ATP11A: variants seen among roughly 807,000 people sequenced by gnomAD.
ATP11A encodes ATPase phospholipid transporting 11A.
A neutral mutation model predicts 154.4 loss-of-function variants in ATP11A; 81 were observed. That is an observed-to-expected ratio of 0.52 (90% confidence interval 0.44 to 0.63). The LOEUF (loss-of-function observed/expected upper bound fraction) is 0.63, where lower values mean the gene tolerates loss of function less well. Ranked by LOEUF, ATP11A falls within the 30% of genes least tolerant of loss-of-function variation. ATP11A has a pLI of 0.00. For synonymous variants in ATP11A, 623 were observed against 585.9 expected (o/e 1.06, Z -0.91); for missense variants, 1,316 against 1,474.3 (o/e 0.89, Z 1.76).
Position 112,838,109 on chromosome 13 carries a change from C to T in ATP11A, c.1705+1858C>T, listed in dbSNP as rs1030525614. Among the ~76,000 whole-genome samples the T allele has an allele frequency of 2.0e-5, 3 of 152,170 alleles. No homozygotes were observed. The highest frequency in any genetic ancestry group is 4.4e-5 in the Non-Finnish European group (3 of 68,036). ...TGTGTGAATGTTGCCAGGACTCCCA[C>T]GAAGAGCTTTTGCCAGCCAGACCGT... On this transcript the variant is annotated intron_variant, in intron 16 of 29. Coordinates refer to ENST00000375645, the MANE Select transcript of ATP11A (RefSeq NM_015205.3). The surrounding 1 kb of genome is among the most constrained non-coding windows in gnomAD (Gnocchi z 7.3).
intron 6 of ATP11A, among the ~76,000 whole-genome samples, chr13:112,818,544 A>G (rs1439601632): frequency 1.3e-5 from 2 of 152,240 alleles, no homozygotes; most frequent in East Asian, 3.9e-4. Context: ...ATCCCTGGGC[A>G]CAAGTTTCTC....
At chr13:112,793,660 A>C (rs762512451) in intron 2 of ATP11A, among the ~76,000 whole-genome samples, 37 of 152,250 alleles carry the variant, frequency 2.4e-4, no homozygotes, top group Admixed American at 9.2e-4. Context: ...TGTCCCAAGC[A>C]GATGGGTGTC....
chr13:112,818,482 C>A (rs576217000), intron 6 of ATP11A, among the ~76,000 whole-genome samples: 17 of 152,318 alleles, frequency 1.1e-4, no homozygotes, highest in Admixed American at 6.5e-4. Flanking sequence ...AATACTCTTC[C>A]ACTAGAAAGA....
chr13:112,795,449 AG>A (rs1375821681), intron 2 of ATP11A, among the ~76,000 whole-genome samples: 2 of 152,230 alleles, frequency 1.3e-5, no homozygotes, highest in Non-Finnish European at 2.9e-5. Context: ...CCACTGTCAC[AG>A]TTCCCAGCTT....
chr13:112,827,347 C>T (rs1183259325), intron 12 of ATP11A, among the ~76,000 whole-genome samples: 3 of 152,258 alleles, frequency 2.0e-5, no homozygotes, highest in African/African-American at 4.8e-5. Flanking sequence ...TGCGGGAGCT[C>T]GGGCTTCACC....
intron 1 of ATP11A, among the ~76,000 whole-genome samples, chr13:112,698,716 A>T (rs990246668): frequency 1.4e-5 from 2 of 142,502 alleles, no homozygotes; most frequent in East Asian, 4.5e-4. Flanking sequence ...TTATTTATTT[A>T]TCTTTATTTA....
At chr13:112,725,359 A>G (rs1889723120) in intron 1 of ATP11A, among the ~76,000 whole-genome samples, 1 of 151,288 alleles carries the variant, frequency 6.6e-6, no homozygotes, top group African/African-American at 2.4e-5. Context: ...CACCCCCTCC[A>G]CTCTCTCTGC....
chr13:112,690,195 C>A lies in ATP11A; in HGVS notation c.-222C>A. ...GCGCGGCCCCGAGCAGCAGCCTTGC[C>A]GCCAGTGGAGCAGCTGCCGACGCGC... On this transcript the variant is annotated 5_prime_UTR_variant, in exon 1 of 30. Coordinates refer to ENST00000375645, the MANE Select transcript of ATP11A (RefSeq NM_015205.3). This position sits in a 1 kb window ranked among gnomAD's most constrained non-coding sequence, Gnocchi z 5.6. 1 of 156,422 alleles carries A rather than the reference C, an allele frequency of 6.4e-6. No homozygotes were observed. Among genetic ancestry groups the A allele is most frequent in the Non-Finnish European group, 1.4e-5 (1 of 73,200 alleles). 9.7% of individuals were successfully genotyped at this position (156,422 alleles called of 1,614,324 possible). A position where few individuals can be genotyped will look rare whatever the true frequency, so the allele number is the denominator to read the frequency against.
At chr13:112,768,765 G>A (rs564229946) in intron 1 of ATP11A, among the ~76,000 whole-genome samples, 12 of 152,282 alleles carry the variant, frequency 7.9e-5, no homozygotes, top group Non-Finnish European at 1.2e-4. Context: ...CGGTGTTCCC[G>A]CTGGGCTCGT....
At position 112,785,223 on chromosome 13, in the gene ATP11A, A is replaced by C; in HGVS notation, c.128A>C (p.Gln43Pro). ...PPPGAEAYIP[Q>P]RYPDNRIVSS... ...CCGGGCGCAGAGGCCTACATCCCAC[A>C]GAGATACCCAGACAACAGGATCGTC... Residue 43 changes from glutamine (Q) to proline (P), a missense_variant, in exon 2 of 30, where the codon CAG (glutamine) becomes CCG (proline). Transcript: ENST00000375645. This position sits in a 1 kb window ranked among gnomAD's most constrained non-coding sequence, Gnocchi z 4.8. 1 of 1,564,042 alleles carries C rather than the reference A, an allele frequency of 6.4e-7. No homozygotes were observed. Among genetic ancestry groups the C allele is most frequent in the Non-Finnish European group, 8.6e-7 (1 of 1,156,516 alleles).
chr13:112,763,035 C>T (rs1041662867), intron 1 of ATP11A, among the ~76,000 whole-genome samples: 2 of 152,238 alleles, frequency 1.3e-5, no homozygotes, highest in Non-Finnish European at 1.5e-5. Context: ...CGCAGAAAAG[C>T]GCATCCCTGA....
chr13:112,762,588 C>T (rs1047080406), intron 1 of ATP11A, among the ~76,000 whole-genome samples: 1 of 152,186 alleles, frequency 6.6e-6, no homozygotes, highest in Non-Finnish European at 1.5e-5. Flanking sequence ...CAGCTACAGA[C>T]GGGTGTGTTG....
chr13:112,744,700 C>G (rs1891931914), intron 1 of ATP11A, among the ~76,000 whole-genome samples: 2 of 152,320 alleles, frequency 1.3e-5, no homozygotes, highest in South Asian at 4.1e-4. Flanking sequence ...TCCACACCTT[C>G]CCTCCTGGTC....
In ATP11A at chr13:112,882,805, G is replaced by C. The variant is rs1378470524; in HGVS notation, c.*939G>C. On this transcript the variant is annotated 3_prime_UTR_variant, in exon 30 of 30. Coordinates refer to ENST00000375645, the MANE Select transcript of ATP11A (RefSeq NM_015205.3). The surrounding 1 kb of genome is among the most constrained non-coding windows in gnomAD (Gnocchi z 5.1). The stretch of plus-strand genomic sequence containing the variant: ...GATTTCGCGGGTGCGAGGGCCGGGA[G>C]ACAGATACTTGGCTGTGATGAGCAG... 2 of 399,310 alleles carry C rather than the reference G, an allele frequency of 5.0e-6. No homozygotes were observed. Among genetic ancestry groups the C allele is most frequent in the African/African-American group, 4.1e-5 (2 of 48,640 alleles). The allele number at this position is 399,310 out of a possible 1,614,324, so 24.7% of individuals were successfully genotyped here. A position where few individuals can be genotyped will look rare whatever the true frequency, so the allele number is the denominator to read the frequency against.
chr13:112,709,024 G>A (rs1022633274), intron 1 of ATP11A, among the ~76,000 whole-genome samples: 1 of 152,178 alleles, frequency 6.6e-6, no homozygotes, highest in African/African-American at 2.4e-5. Flanking sequence ...GGTTCCAGGC[G>A]GGAAGGGGAG....
chr13:112,786,872 T>C (rs1002698993), intron 2 of ATP11A, among the ~76,000 whole-genome samples: 1 of 152,236 alleles, frequency 6.6e-6, no homozygotes, highest in Non-Finnish European at 1.5e-5. Flanking sequence ...TCACACCAAG[T>C]GTCCTGATGT....
chr13:112,768,032 C>T (rs1374039983), intron 1 of ATP11A, among the ~76,000 whole-genome samples: 1 of 152,178 alleles, frequency 6.6e-6, no homozygotes, highest in African/African-American at 2.4e-5. Flanking sequence ...GTGGCAGCCC[C>T]GTCACCCCTG....
rs2076770412 is a variant in ATP11A at position 112,754,501 on chromosome 13, A to C, written c.40-30634A>C. On this transcript the variant is annotated intron_variant, in intron 1 of 29. Transcript: ENST00000375645. This position sits in a 1 kb window ranked among gnomAD's most constrained non-coding sequence, Gnocchi z 5.3. ...AGTACTGGGCTAATTCACCTGCCAA[A>C]GCTGCATGCTTGGAAAGTGGTGCTT... 6.5e-6 allele frequency: 1 copy of C among 153,220 alleles called. No homozygotes were observed. The highest frequency in any genetic ancestry group is 2.0e-4 in the South Asian group (1 of 4,956). The allele number at this position is 153,220 out of a possible 1,614,324, so 9.5% of individuals were successfully genotyped here. A position where few individuals can be genotyped will look rare whatever the true frequency, so the allele number is the denominator to read the frequency against.
chr13:112,878,357 G>T, intron 29 of ATP11A, 54 bp downstream of exon 29: 3 of 1,578,606 alleles, frequency 1.9e-6, no homozygotes, highest in Non-Finnish European at 8.7e-7. Flanking sequence ...GGGCAGCAGG[G>T]CCATGCCCAT....
Sources: gnomAD v4.1 joint callset for allele counts (sites outside exome capture counted in the v4.1 genomes callset) on GRCh38, gnomAD v4.1.1 for gene constraint, Gnocchi (gnomAD v3.1) non-coding constraint, MANE v1.5 for transcripts, NCBI Gene and HGNC (gene_info 2026-07-23, HGNC 2026-07-21) for gene names.